Variants in LY75 observed in about 807,000 individuals in gnomAD.
The protein encoded by LY75 is lymphocyte antigen 75, also known as C-type lectin domain family 13 member B.
In LY75, 185 loss-of-function variants were observed where a neutral mutation model predicts 231.7. The observed-to-expected ratio is 0.80, with a 90% CI of 0.71 to 0.90. The LOEUF is 0.90. LY75 is among the 40% of genes least tolerant of loss of function. The pLI, the probability that LY75 is intolerant of heterozygous loss-of-function variation, is 0.00. For missense variants in LY75, 1,947 were observed against 2,050.2 expected (o/e 0.95, Z 0.97); for synonymous variants, 668 against 689.0 (o/e 0.97, Z 0.48).
intron 3 of LY75, 51 bp downstream of exon 3, chr2:159,893,863 C>T: frequency 6.5e-7 from 1 of 1,538,194 alleles, no homozygotes; most frequent in Non-Finnish European, 8.7e-7. Flanking sequence ...TCCCTATTGC[C>T]TCATATAAAT....
Position 159,831,805 on chromosome 2 carries a change from T to G in LY75, c.3842-19A>C. The G allele has an allele frequency of 6.3e-7, 1 of 1,578,794 alleles. No individual in the cohort carries two copies. Among genetic ancestry groups the G allele is most frequent in the Non-Finnish European group, 8.6e-7 (1 of 1,160,222 alleles). ...TTTGGATCTGTTGAATAAAAAATAA[T>G]CAATAATTTTAACAATTACTTATCT... On this transcript the variant is annotated intron_variant, in intron 27 of 34. Transcript: ENST00000263636.
chr2:159,870,073 C>T (rs781073750), intron 13 of LY75, among the ~76,000 whole-genome samples: 3 of 152,124 alleles, frequency 2.0e-5, no homozygotes, highest in Non-Finnish European at 4.4e-5. Flanking sequence ...TTATGGAACA[C>T]AGGTATCATA....
intron 28 of LY75, among the ~76,000 whole-genome samples, chr2:159,825,048 G>A (rs1016575905): frequency 1.3e-5 from 2 of 152,016 alleles, no homozygotes; most frequent in Non-Finnish European, 2.9e-5. Flanking sequence ...GTTAAAAGAA[G>A]TAGAGAAGCA....
At chr2:159,833,527 C>T (rs1683728888) in intron 27 of LY75, among the ~76,000 whole-genome samples, 1 of 152,140 alleles carries the variant, frequency 6.6e-6, no homozygotes, top group African/African-American at 2.4e-5. Flanking sequence ...TTAACTAACA[C>T]AAATTTTAAT....
chr2:159,873,443 T>C (rs1437467355), intron 12 of LY75, among the ~76,000 whole-genome samples: 1 of 152,144 alleles, frequency 6.6e-6, no homozygotes, highest in African/African-American at 2.4e-5. Flanking sequence ...TGATATACCA[T>C]GAGAACAACA....
At position 159,853,281 on chromosome 2, in the gene LY75, C is replaced by A; in HGVS notation, c.2735G>T (p.Trp912Leu). 1 of 1,611,718 alleles carries A rather than the reference C, an allele frequency of 6.2e-7. No individual in the cohort carries two copies. The highest frequency in any genetic ancestry group is 8.5e-7 in the Non-Finnish European group (1 of 1,178,258). The change falls in exon 20 of 35, where the codon TGG becomes TTG. Residue 912 changes from tryptophan (W) to leucine (L), a missense_variant. Trp to Leu is a moderately conservative substitution (Grantham distance 61, BLOSUM62 -2). Transcript: ENST00000263636. ...EECLYMSAKT[W>L]LIDLGKPTDC... is the part of the protein sequence containing the mutation. ...TTTAGAATTAACTTTACCGATAAGC[C>A]AAGTCTTGGCAGACATGTACAAGCA... is the stretch of plus-strand genomic sequence containing the variant.
intron 12 of LY75, among the ~76,000 whole-genome samples, chr2:159,873,259 G>C (rs1319412031): frequency 6.6e-6 from 1 of 152,188 alleles, no homozygotes; most frequent in African/African-American, 2.4e-5. Flanking sequence ...TCAGTTCCTT[G>C]TAATATAATT....
intron 17 of LY75, 38 bp from the exon 18 acceptor site, chr2:159,854,573 T>C: frequency 6.2e-7 from 1 of 1,600,840 alleles, no homozygotes. Flanking sequence ...ATTATGACTA[T>C]GCAAAGCAAA....
At chr2:159,850,293 C>A in intron 22 of LY75, 69 bp downstream of exon 22, 1 of 1,580,528 alleles carries the variant, frequency 6.3e-7, no homozygotes, top group South Asian at 1.2e-5. Flanking sequence ...ATGTTAATTC[C>A]CCATAGCCTC....
intron 3 of LY75, 90 bp downstream of exon 3, chr2:159,893,824 A>C (rs1685830645): frequency 6.9e-7 from 1 of 1,447,040 alleles, no homozygotes; most frequent in Non-Finnish European, 9.2e-7. Flanking sequence ...TTTTGCAGTC[A>C]CTTTTGAGTC....
At chr2:159,809,835 G>T (rs1054986097) in intron 32 of LY75, among the ~76,000 whole-genome samples, 1 of 149,330 alleles carries the variant, frequency 6.7e-6, no homozygotes. Context: ...ACGCCACCAC[G>T]CCCAGCTAAG....
rs1685245158 is a variant in LY75 at position 159,875,644 on chromosome 2, C to G, written c.1775-1G>C. ...ATAGCCACGCAGCCGCCCGGGGAAG[C>G]TGGGATTGAAGTGGAAAGCTCAATT... On this transcript the variant is annotated splice_acceptor_variant, in intron 11 of 34. Transcript: ENST00000263636. LOFTEE classifies it high-confidence loss of function. 6.2e-7 allele frequency: 1 copy of G among 1,613,494 alleles called. No individual in the cohort carries two copies. The highest frequency in any genetic ancestry group is 1.3e-5 in the African/African-American group (1 of 74,830).
At chr2:159,819,527 C>T (rs1683222925) in intron 29 of LY75, among the ~76,000 whole-genome samples, 199 bp downstream of exon 29, 1 of 152,068 alleles carries the variant, frequency 6.6e-6, no homozygotes, top group Admixed American at 6.5e-5. Context: ...ATGCTGTCTC[C>T]ACAACTACAT....
chr2:159,903,875 G>A (rs1017653124), intron 1 of LY75, among the ~76,000 whole-genome samples: 2 of 152,220 alleles, frequency 1.3e-5, no homozygotes, highest in Admixed American at 6.5e-5. Flanking sequence ...TCTGTTTCTG[G>A]TCCTGCTTCC....
intron 12 of LY75, 121 bp downstream of exon 12, chr2:159,875,323 T>C (rs1685232060): frequency 7.3e-7 from 1 of 1,367,550 alleles, no homozygotes; most frequent in African/African-American, 1.5e-5. Context: ...GACTCTGTGC[T>C]CCAGAGCACT....
At chr2:159,901,471 C>T (rs1381898350) in intron 1 of LY75, among the ~76,000 whole-genome samples, 2 of 152,180 alleles carry the variant, frequency 1.3e-5, no homozygotes, top group African/African-American at 4.8e-5. Flanking sequence ...CTGTCTTTCC[C>T]GGGCATTCTG....
At chr2:159,824,727 A>G (rs1460618964) in intron 28 of LY75, among the ~76,000 whole-genome samples, 1 of 152,160 alleles carries the variant, frequency 6.6e-6, no homozygotes. Flanking sequence ...AAACACTCCT[A>G]AGCAAAAGCA....
At position 159,842,458 on chromosome 2, in the gene LY75, A is replaced by C. The variant is rs772827150; in HGVS notation, c.3151-84T>G. 3 of 1,431,172 alleles carry C rather than the reference A, an allele frequency of 2.1e-6. No homozygotes were observed. The African/African-American group carries it at 4.4e-5, about 21-fold the overall frequency. 88.7% of individuals were successfully genotyped at this position (1,431,172 alleles called of 1,614,324 possible). ...CAAGAAAAGTTTAGATTCTAGATTG[A>C]ATTTGTCCCCCTATAAAAGAATTCC... On this transcript the variant is annotated intron_variant, in intron 23 of 34. Coordinates refer to ENST00000263636, the MANE Select transcript of LY75 (RefSeq NM_002349.4).
chr2:159,899,824 A>G (rs1686019677), intron 1 of LY75, among the ~76,000 whole-genome samples: 1 of 152,216 alleles, frequency 6.6e-6, no homozygotes, highest in Non-Finnish European at 1.5e-5. Flanking sequence ...ACAAGAAGAA[A>G]CAGAGGTCTG....
Sources: gnomAD v4.1 joint callset for allele counts (sites outside exome capture counted in the v4.1 genomes callset) on GRCh38, gnomAD v4.1.1 for gene constraint, MANE v1.5 for transcripts, NCBI Gene and HGNC (gene_info 2026-07-23, HGNC 2026-07-21) for gene names.